E2F2: variants seen among roughly 807,000 people sequenced by gnomAD.
E2F2 encodes the protein transcription factor E2F2.
E2F2 carries 22 observed loss-of-function variants against 42.2 expected under a neutral mutation model. The observed-to-expected ratio is 0.52, with a 90% CI of 0.37 to 0.74. E2F2 has a LOEUF of 0.74. Ranked by LOEUF, E2F2 falls within the 30% of genes least tolerant of loss-of-function variation. E2F2 has a pLI of 0.00. For missense variants in E2F2, 481 were observed against 557.8 expected (o/e 0.86, Z 1.39); for synonymous variants, 248 against 251.6 (o/e 0.99, Z 0.13).
chr1:23,519,362 C>T, intron 4 of E2F2: 1 of 336,136 alleles, frequency 3.0e-6, no homozygotes, highest in East Asian at 4.9e-5. Context: ...CATTATAAAT[C>T]ATAAAAAATG....
At chr1:23,523,795 C>A (rs981141448) in intron 2 of E2F2, among the ~76,000 whole-genome samples, 1 of 152,028 alleles carries the variant, frequency 6.6e-6, no homozygotes, top group Admixed American at 6.6e-5. Context: ...CGAGACTGGC[C>A]AGGCATGGTG....
In E2F2 at chr1:23,524,456, C is replaced by T. The variant is rs954016267; in HGVS notation, c.285G>A (p.Gly95=). 2 of 1,613,672 alleles carry T rather than the reference C, an allele frequency of 1.2e-6. No homozygotes were observed. The highest frequency in any genetic ancestry group is 3.3e-5 in the Admixed American group (2 of 59,962). The change falls in exon 2 of 7, where the codon GGG becomes GGA. Residue 95 remains glycine, a synonymous_variant. Coordinates refer to ENST00000361729, the MANE Select transcript of E2F2 (RefSeq NM_004091.4). ...AKRKLDLEGI[G]RPVVPEFPTP... Reference sequence around the variant, plus strand: ...TTGGGAACTCAGGGACGACGGGCCTCCCAATCCCCTCCAGATCCAGCTTCC... The same window carrying T: ...TTGGGAACTCAGGGACGACGGGCCTTCCAATCCCCTCCAGATCCAGCTTCC...
chr1:23,509,758 G>T lies in E2F2; in HGVS notation c.*122C>A, dbSNP rs935087977. The T allele has an allele frequency of 7.1e-6, 10 of 1,410,280 alleles. No individual in the cohort carries two copies. The highest frequency in any genetic ancestry group is 2.9e-5 in the African/African-American group (2 of 68,144). The allele number at this position is 1,410,280 out of a possible 1,614,324, so 87.4% of individuals were successfully genotyped here. The stretch of plus-strand genomic sequence containing the variant: ...CTGCCGGCTGGGGCAGGAAAGGCGA[G>T]GAGACCCCATGCCCTGAGGGCAGCA... On this transcript the variant is annotated 3_prime_UTR_variant, in exon 7 of 7. Coordinates refer to ENST00000361729, the MANE Select transcript of E2F2 (RefSeq NM_004091.4).
At position 23,516,356 on chromosome 1, in the gene E2F2, T is replaced by G; in HGVS notation, c.1024A>C (p.Met342Leu). ...QPSSSTDPSI[M>L]EPTASSVPAP... Reference sequence around the variant, plus strand: ...CTACCTGAGGATGCTGTGGGCTCCATGATGCTAGGGTCGGTGCTGCTGCTG... The same window carrying G: ...CTACCTGAGGATGCTGTGGGCTCCAGGATGCTAGGGTCGGTGCTGCTGCTG... The change falls in exon 6 of 7, where the codon ATG (methionine) becomes CTG (leucine). Residue 342 changes from methionine (M) to leucine (L), a missense_variant. Coordinates refer to ENST00000361729, the MANE Select transcript of E2F2 (RefSeq NM_004091.4). 1 of 1,553,254 alleles carries G rather than the reference T, an allele frequency of 6.4e-7. No homozygotes were observed. Among genetic ancestry groups the G allele is most frequent in the Non-Finnish European group, 8.7e-7 (1 of 1,153,902 alleles).
intron 5 of E2F2, 73 bp downstream of exon 5, chr1:23,518,943 G>T: frequency 8.2e-7 from 1 of 1,223,570 alleles, no homozygotes; most frequent in Non-Finnish European, 1.2e-6. Context: ...CAGGGACAGA[G>T]TCTGCAGAGC....
At chr1:23,529,481 TG>T (rs562070199) in intron 1 of E2F2, among the ~76,000 whole-genome samples, 2 of 152,118 alleles carry the variant, frequency 1.3e-5, no homozygotes, top group Non-Finnish European at 2.9e-5. Flanking sequence ...TCTGGGGCAG[TG>T]GGGGGTGGTC....
chr1:23,516,149 G>A lies in E2F2; in HGVS notation c.1045+186C>T, dbSNP rs562478079. Among the ~76,000 whole-genome samples the A allele has an allele frequency of 2.6e-5, 4 of 152,314 alleles. No homozygotes were observed. In the East Asian group the frequency reaches 7.7e-4, roughly 29 times the overall value. On this transcript the variant is annotated intron_variant, in intron 6 of 6. Transcript: ENST00000361729. ...TCAAATCCAGGCCTTCCTCTGCCCT[G>A]GAGCAGCACCAGCCTTCCTAGTGAG...
At chr1:23,529,749 C>A (rs1338869216) in intron 1 of E2F2, among the ~76,000 whole-genome samples, 2 of 152,202 alleles carry the variant, frequency 1.3e-5, no homozygotes, top group Admixed American at 1.3e-4. Context: ...GCTCCTCAAC[C>A]ACCACCACCT....
chr1:23,519,993 G>A (rs1048972660), intron 4 of E2F2, among the ~76,000 whole-genome samples: 3 of 150,858 alleles, frequency 2.0e-5, no homozygotes, highest in Admixed American at 6.6e-5. Context: ...CAGGAGAATC[G>A]CTTGAACCCA....
At chr1:23,524,266 C>T (rs1000825324) in intron 2 of E2F2, 117 bp downstream of exon 2, 32 of 790,154 alleles carry the variant, frequency 4.0e-5, no homozygotes, top group Middle Eastern at 3.9e-4. Context: ...TAATAAAATA[C>T]GCAGGAAGCT....
intron 4 of E2F2, 189 bp from the exon 5 acceptor site, chr1:23,519,319 A>G: frequency 4.9e-6 from 2 of 406,088 alleles, no homozygotes; most frequent in Non-Finnish European, 8.8e-6. Context: ...TGGAAAGCAA[A>G]TGGGAATATA....
At position 23,510,156 on chromosome 1, in the gene E2F2, C is replaced by T; in HGVS notation, c.1046-8G>A. On this transcript the variant is annotated splice_polypyrimidine_tract_variant and splice_region_variant and intron_variant, in intron 6 of 6. Coordinates refer to ENST00000361729, the MANE Select transcript of E2F2 (RefSeq NM_004091.4). The stretch of plus-strand genomic sequence containing the variant: ...TTGGCGCTGGTGCTGGCACTGGAGA[C>T]AAACAGACAAAGGTTACGCCTGGCC... The T allele has an allele frequency of 6.3e-7, 1 of 1,584,786 alleles. No homozygotes were observed. The highest frequency in any genetic ancestry group is 2.3e-5 in the East Asian group (1 of 43,956).
chr1:23,527,330 C>T (rs1213614164), intron 1 of E2F2, among the ~76,000 whole-genome samples: 1 of 152,258 alleles, frequency 6.6e-6, no homozygotes, highest in Non-Finnish European at 1.5e-5. Context: ...TGAAAAGAGA[C>T]TGCGATGAGG....
chr1:23,519,717 G>C (rs926370393), intron 4 of E2F2, among the ~76,000 whole-genome samples: 1 of 152,078 alleles, frequency 6.6e-6, no homozygotes, highest in Non-Finnish European at 1.5e-5. Flanking sequence ...ATAACTTGAG[G>C]TCAGGAATTC....
At chr1:23,517,844 AAC>A (rs1362847993) in intron 5 of E2F2, among the ~76,000 whole-genome samples, 15 of 152,312 alleles carry the variant, frequency 9.8e-5, no homozygotes, top group African/African-American at 3.6e-4. Context: ...GAGAGGGAAG[AAC>A]ATTTCAGCTC....
rs61262862 is a variant in E2F2 at position 23,524,072 on chromosome 1, CACAACA to C, written c.358+305_358+310del. Among the ~76,000 whole-genome samples the C allele has an allele frequency of 1.1e-4, 14 of 125,254 alleles. 1 individual carries two copies. The highest frequency in any genetic ancestry group is 1.6e-4 in the Admixed American group (2 of 12,128). The allele number at this position is 125,254 out of a possible 152,430, so 82.2% of individuals were successfully genotyped here. A position where few individuals can be genotyped will look rare whatever the true frequency, so the allele number is the denominator to read the frequency against. On this transcript the variant is annotated intron_variant, in intron 2 of 6. Transcript: ENST00000361729. Reference sequence around the variant, plus strand: ...TTTGGTGACAGAGCGAGACCTGTCTCACAACAACAACAACAACAACAACAACAACAA... The same window carrying C: ...TTTGGTGACAGAGCGAGACCTGTCTCACAACAACAACAACAACAACAACAA...
At chr1:23,528,052 A>G (rs1643279050) in intron 1 of E2F2, among the ~76,000 whole-genome samples, 1 of 152,220 alleles carries the variant, frequency 6.6e-6, no homozygotes, top group African/African-American at 2.4e-5. Flanking sequence ...TGGGAGGTGG[A>G]GTTTGCAGTG....
At chr1:23,511,701 G>A (rs1483373189) in intron 6 of E2F2, among the ~76,000 whole-genome samples, 1 of 152,238 alleles carries the variant, frequency 6.6e-6, no homozygotes, top group African/African-American at 2.4e-5. Context: ...ACTGCGCTGG[G>A]ATGCTAGGCT....
At chr1:23,521,223 G>A (rs867102050) in intron 3 of E2F2, 152 bp from the exon 4 acceptor site, 1 of 966,382 alleles carries the variant, frequency 1.0e-6, no homozygotes, top group Middle Eastern at 3.4e-4. Flanking sequence ...GGAACCAGAG[G>A]TTTGGGGGTT....
Sources: allele counts gnomAD v4.1 joint callset (sites outside exome capture counted in the v4.1 genomes callset), GRCh38; gene constraint gnomAD v4.1.1; transcripts MANE v1.5; gene names NCBI Gene and HGNC (gene_info 2026-07-23, HGNC 2026-07-21).